Variants in SCAPER observed in about 807,000 individuals in gnomAD.
The protein encoded by SCAPER is S-phase cyclin A associated protein in the ER, also known as S phase cyclin A-associated protein in the endoplasmic reticulum.
In SCAPER, 98 loss-of-function variants were observed where a neutral mutation model predicts 182.2. That is an observed-to-expected ratio of 0.54 (90% CI 0.46 to 0.64). The LOEUF is 0.64. Ranked by LOEUF, SCAPER falls within the 30% of genes least tolerant of loss-of-function variation. The pLI, the probability that SCAPER is intolerant of heterozygous loss-of-function variation, is 0.00. For missense variants in SCAPER, 1,432 were observed against 1,690.0 expected, an observed-to-expected ratio of 0.85 and a Z score of 2.68; for synonymous variants, 605 against 564.6, an observed-to-expected ratio of 1.07 and a Z score of -1.01.
intron 5 of SCAPER, among the ~76,000 whole-genome samples, chr15:76,816,763 C>T (rs531987301): frequency 2.6e-5 from 4 of 152,024 alleles, no homozygotes; most frequent in Admixed American, 2.6e-4. Flanking sequence ...CACCAGTCTC[C>T]TGCCTCAGCC....
At chr15:76,795,464 T>A in intron 7 of SCAPER, 24 bp from the exon 8 acceptor site, 1 of 1,447,294 alleles carries the variant, frequency 6.9e-7, no homozygotes, top group Non-Finnish European at 9.1e-7. Flanking sequence ...TAAACACATT[T>A]AATAAATTAA....
At chr15:76,438,279 CAAAAA>C (rs372587932) in intron 25 of SCAPER, among the ~76,000 whole-genome samples, 1 of 111,012 alleles carries the variant, frequency 9.0e-6, no homozygotes, top group African/African-American at 3.5e-5. Flanking sequence ...GAGACTGTCT[CAAAAA>C]AAAAAAAAAA....
At chr15:76,828,299 C>A (rs1180101217) in intron 5 of SCAPER, among the ~76,000 whole-genome samples, 2 of 151,640 alleles carry the variant, frequency 1.3e-5, no homozygotes, top group Non-Finnish European at 2.9e-5. Context: ...CAGACTGAGA[C>A]AACCAGACAA....
At chr15:76,398,354 A>C (rs1439475887) in intron 27 of SCAPER, among the ~76,000 whole-genome samples, 2 of 152,182 alleles carry the variant, frequency 1.3e-5, no homozygotes. Flanking sequence ...TCTGTCTTGT[A>C]CTGTAGATAG....
chr15:76,463,919 T>G (rs1257006999), intron 25 of SCAPER, among the ~76,000 whole-genome samples: 1 of 151,768 alleles, frequency 6.6e-6, no homozygotes. Context: ...CTCAATTTGC[T>G]CATCAGTATA....
At chr15:76,683,751 G>C (rs1393622880) in intron 20 of SCAPER, among the ~76,000 whole-genome samples, 1 of 151,932 alleles carries the variant, frequency 6.6e-6, no homozygotes, top group Non-Finnish European at 1.5e-5. Flanking sequence ...CACTGTAGGG[G>C]GTGGGGGGGT....
intron 21 of SCAPER, among the ~76,000 whole-genome samples, chr15:76,634,702 C>T (rs1244655625): frequency 1.3e-5 from 2 of 152,136 alleles, no homozygotes; most frequent in African/African-American, 2.4e-5. Flanking sequence ...CTTTTAGATG[C>T]CATTGCCAAA....
At chr15:76,381,666 G>T in intron 27 of SCAPER, 51 bp from the exon 28 acceptor site, 1 of 1,394,750 alleles carries the variant, frequency 7.2e-7, no homozygotes, top group Non-Finnish European at 9.9e-7. Flanking sequence ...ATGGATGTTA[G>T]CAATTTGTAT....
intron 21 of SCAPER, among the ~76,000 whole-genome samples, chr15:76,651,622 TACCAACCA>T (rs2055047052): frequency 8.5e-6 from 1 of 117,580 alleles, no homozygotes; most frequent in South Asian, 2.8e-4. Context: ...ACAAAGAACC[TACCAACCA>T]AAAAAAAAAA....
At chr15:76,582,719 C>T (rs968888269) in intron 22 of SCAPER, among the ~76,000 whole-genome samples, 1 of 152,044 alleles carries the variant, frequency 6.6e-6, no homozygotes, top group African/African-American at 2.4e-5. Flanking sequence ...GCTATAGTAA[C>T]CAAAACAGCA....
At chr15:76,363,438 C>T (rs2041588422) in intron 29 of SCAPER, among the ~76,000 whole-genome samples, 1 of 152,202 alleles carries the variant, frequency 6.6e-6, no homozygotes, top group African/African-American at 2.4e-5. Context: ...ACTGGTCCAA[C>T]AGCCTCTTGG....
intron 23 of SCAPER, among the ~76,000 whole-genome samples, chr15:76,530,376 T>C (rs2043553838): frequency 6.6e-6 from 1 of 152,220 alleles, no homozygotes; most frequent in African/African-American, 2.4e-5. Context: ...GCATCCAATT[T>C]ACTTTTTGAT....
intron 15 of SCAPER, among the ~76,000 whole-genome samples, chr15:76,744,665 C>T (rs765371510): frequency 2.4e-4 from 36 of 152,210 alleles, no homozygotes; most frequent in Middle Eastern, 3.4e-3. Context: ...GAAAAGGGAA[C>T]GCTTATACAC....
At chr15:76,894,043 G>C (rs1024710374) in intron 1 of SCAPER, among the ~76,000 whole-genome samples, 2 of 152,186 alleles carry the variant, frequency 1.3e-5, no homozygotes, top group Non-Finnish European at 2.9e-5. Flanking sequence ...CTGCGGTCAG[G>C]AGTTCAAGAC....
chr15:76,724,210 A>T (rs12593871), intron 17 of SCAPER, among the ~76,000 whole-genome samples: 49,146 of 139,490 alleles, frequency 0.35, 10,625 homozygotes, highest in Middle Eastern at 0.49. Flanking sequence ...GATATGAAAT[A>T]CTGGGTTGAA....
chr15:76,856,813 G>T (rs1330750641), intron 4 of SCAPER, among the ~76,000 whole-genome samples: 1 of 151,988 alleles, frequency 6.6e-6, no homozygotes, highest in Non-Finnish European at 1.5e-5. Flanking sequence ...GTCATTCTGT[G>T]AGCTCTGATT....
chr15:76,622,735 A>G (rs900865601), intron 21 of SCAPER, among the ~76,000 whole-genome samples: 5 of 152,220 alleles, frequency 3.3e-5, no homozygotes, highest in African/African-American at 7.2e-5. Context: ...ATGGTGGAGT[A>G]TGTTCCAAGC....
intron 27 of SCAPER, among the ~76,000 whole-genome samples, chr15:76,402,605 C>G (rs1343677571): frequency 1.1e-4 from 16 of 152,100 alleles, no homozygotes; most frequent in Non-Finnish European, 1.8e-4. Flanking sequence ...CCACACTAGA[C>G]TCTTGGCTCC....
At chr15:76,513,454 C>T (rs2042197505) in intron 23 of SCAPER, among the ~76,000 whole-genome samples, 1 of 152,024 alleles carries the variant, frequency 6.6e-6, no homozygotes, top group Non-Finnish European at 1.5e-5. Flanking sequence ...AATGATGAAC[C>T]AACAAAATAT....
Sources: allele counts gnomAD v4.1 joint callset (sites outside exome capture counted in the v4.1 genomes callset), GRCh38; gene constraint gnomAD v4.1.1; transcripts MANE v1.5; gene names NCBI Gene and HGNC (gene_info 2026-07-23, HGNC 2026-07-21).